The following ACCSL variants were observed in gnomAD, a reference collection of about 807,000 sequenced individuals.
The protein encoded by ACCSL is 1-aminocyclopropane-1-carboxylate synthase homolog (inactive) like, also known as probable inactive 1-aminocyclopropane-1-carboxylate synthase-like protein 2.
In ACCSL, 55 loss-of-function variants were observed where a neutral mutation model predicts 61.7. The observed-to-expected ratio is 0.89, with a 90% CI of 0.72 to 1.12. The LOEUF (loss-of-function observed/expected upper bound fraction) is 1.12, where lower values mean the gene tolerates loss of function less well. Among genes scored for constraint, ACCSL ranks in the 50% most tolerant of loss-of-function variants. ACCSL has a pLI of 0.00. For missense variants in ACCSL, 632 were observed against 698.0 expected, an observed-to-expected ratio of 0.91 and a Z score of 1.07; for synonymous variants, 258 against 264.3, an observed-to-expected ratio of 0.98 and a Z score of 0.23.
At chr11:44,040,917 C>T in the ACCSL span, among the ~76,000 whole-genome samples, 2 of 152,174 alleles carry the variant, frequency 1.3e-5, no homozygotes, top group African/African-American at 4.8e-5. Flanking sequence ...GGTTGACCAA[C>T]TTGGGTTTGA....
Position 44,051,390 on chromosome 11 carries a change from C to T in ACCSL, c.691C>T (p.Leu231Phe), listed in dbSNP as rs1185653336. ...CTACTACTGCAGGGCACCTACCCGA[C>T]TTGACCCAGAAAATGTGAGTCAGTT... ...LTYYCRAPTRLDPENVVVLNG... is the reference protein window; with the variant it reads ...LTYYCRAPTRFDPENVVVLNG... The change falls in exon 4 of 14, where the codon CTT (leucine) becomes TTT (phenylalanine). Residue 231 changes from leucine to phenylalanine, a missense_variant. By Grantham distance (22) the Leu-to-Phe change is conservative. Coordinates refer to ENST00000378832, the MANE Select transcript of ACCSL (RefSeq NM_001031854.2). 3.7e-6 allele frequency: 6 copies of T among 1,614,216 alleles called. No individual in the cohort carries two copies. The highest frequency in any genetic ancestry group is 4.2e-6 in the Non-Finnish European group (5 of 1,180,048).
At chr11:44,012,272 A>G in the ACCSL span, among the ~76,000 whole-genome samples, 11 of 152,154 alleles carry the variant, frequency 7.2e-5, no homozygotes, top group Admixed American at 4.6e-4. Flanking sequence ...TCTTCTTGGG[A>G]ATATCAATTT....
the ACCSL span, among the ~76,000 whole-genome samples, chr11:44,020,283 T>A: frequency 3.6e-4 from 50 of 137,340 alleles, 2 homozygotes; most frequent in East Asian, 9.8e-3. Context: ...ATAGAGATAG[T>A]TTTACTCCTT....
the ACCSL span, among the ~76,000 whole-genome samples, chr11:43,980,887 G>A: frequency 6.6e-6 from 1 of 151,950 alleles, no homozygotes; most frequent in Non-Finnish European, 1.5e-5. Flanking sequence ...GGCAAAGAAA[G>A]TGAGGCTCAG....
intron 8 of ACCSL, among the ~76,000 whole-genome samples, chr11:44,054,394 T>A (rs1472587909): frequency 6.6e-6 from 1 of 152,134 alleles, no homozygotes; most frequent in East Asian, 1.9e-4. Context: ...CAGCTGCTAA[T>A]TGAGGGAATT....
chr11:43,978,003 C>CTTTTTT, the ACCSL span, among the ~76,000 whole-genome samples: 41 of 97,644 alleles, frequency 4.2e-4, no homozygotes, highest in Non-Finnish European at 4.8e-4. Flanking sequence ...CTAGGAAGCT[C>CTTTTTT]TTTTTTTTTT....
the ACCSL span, among the ~76,000 whole-genome samples, chr11:43,999,872 G>A: frequency 6.6e-6 from 1 of 151,948 alleles, no homozygotes; most frequent in East Asian, 1.9e-4. Context: ...AAATCATAAA[G>A]AGTAACAACA....
chr11:43,922,289 G>A, the ACCSL span: 1 of 152,206 alleles, frequency 6.6e-6, no homozygotes, highest in East Asian at 1.9e-4. Flanking sequence ...AGTTAACAGG[G>A]CTTGTAGTGG....
upstream of ACCSL, chr11:44,047,920 G>A: frequency 1.6e-6 from 2 of 1,290,180 alleles, no homozygotes; most frequent in Admixed American, 2.3e-5. Flanking sequence ...GATCTGTTCT[G>A]TCTCCATCCA....
the ACCSL span, among the ~76,000 whole-genome samples, chr11:43,996,605 A>G: frequency 6.6e-6 from 1 of 152,202 alleles, no homozygotes; most frequent in African/African-American, 2.4e-5. Flanking sequence ...TGGTAAAGAC[A>G]CAAGTGTACA....
At chr11:43,973,886 G>T in the ACCSL span, 2 of 152,094 alleles carry the variant, frequency 1.3e-5, no homozygotes, top group East Asian at 3.9e-4. Context: ...TCCTCCTGTG[G>T]ATATATAAGA....
the ACCSL span, among the ~76,000 whole-genome samples, chr11:44,039,875 C>A: frequency 2.6e-5 from 4 of 152,242 alleles, no homozygotes; most frequent in Non-Finnish European, 5.9e-5. Context: ...CCAGGGCAAG[C>A]CTGGCAAGCC....
the ACCSL span, among the ~76,000 whole-genome samples, chr11:43,933,985 A>G: frequency 1.3e-5 from 2 of 151,918 alleles, no homozygotes; most frequent in African/African-American, 4.8e-5. Flanking sequence ...TCCCAGCATG[A>G]ATGGGGCCAC....
the ACCSL span, among the ~76,000 whole-genome samples, chr11:44,036,918 T>C: frequency 6.6e-6 from 1 of 152,208 alleles, no homozygotes; most frequent in Non-Finnish European, 1.5e-5. Context: ...TCCCACTGGC[T>C]GCACCTCTGT....
At chr11:43,942,689 C>A in the ACCSL span, 1 of 173,882 alleles carries the variant, frequency 5.8e-6, no homozygotes, top group South Asian at 1.1e-4. Context: ...GAACAGCGCC[C>A]CCCGAGCCCC....
the ACCSL span, among the ~76,000 whole-genome samples, chr11:43,936,843 T>C: frequency 1.3e-5 from 2 of 152,082 alleles, no homozygotes; most frequent in African/African-American, 2.4e-5. Context: ...CTAGGCAGTA[T>C]GGGAGCTCGG....
chr11:43,980,776 G>A, the ACCSL span, among the ~76,000 whole-genome samples: 1 of 152,140 alleles, frequency 6.6e-6, no homozygotes. Flanking sequence ...TGTGTACCAA[G>A]TACCAGGTAC....
In ACCSL at chr11:44,056,020, T is replaced by C. The variant is rs1952668977; in HGVS notation, c.1140-20T>C. The stretch of plus-strand genomic sequence containing the variant: ...ACTATTTCTCTATAACCTTAGTTAA[T>C]TTTTCCACTTCTTCTTCAGTTTGCC... On this transcript the variant is annotated intron_variant, in intron 9 of 13. Transcript: ENST00000378832. 2 of 1,613,902 alleles carry C rather than the reference T, an allele frequency of 1.2e-6. No individual in the cohort carries two copies. Among genetic ancestry groups the C allele is most frequent in the African/African-American group, 1.3e-5 (1 of 74,950 alleles).
chr11:43,926,609 G>A, the ACCSL span: 1 of 320,056 alleles, frequency 3.1e-6, no homozygotes, highest in South Asian at 2.4e-5. Flanking sequence ...AAACCCATGT[G>A]GCTTCTATTT....
Sources: gnomAD v4.1 joint callset for allele counts (sites outside exome capture counted in the v4.1 genomes callset) on GRCh38, gnomAD v4.1.1 for gene constraint, MANE v1.5 for transcripts, NCBI Gene and HGNC (gene_info 2026-07-23, HGNC 2026-07-21) for gene names.